Variants in CEP112 observed in about 807,000 individuals in gnomAD.
CEP112 encodes the protein centrosomal protein 112, also known as centrosomal protein of 112 kDa.
In CEP112, 127 loss-of-function variants were observed where a neutral mutation model predicts 153.0. The ratio of observed to expected loss-of-function variants is 0.83; its 90% confidence interval spans 0.72 to 0.96. The LOEUF is 0.96. Ranked by LOEUF, CEP112 falls within the 40% of genes least tolerant of loss-of-function variation. The probability of loss-of-function intolerance (pLI) is 0.00; values close to 1 mark genes in which losing one functional copy is unlikely to be tolerated. For synonymous variants in CEP112, 358 were observed against 374.4 expected, an observed-to-expected ratio of 0.96 and a Z score of 0.51; for missense variants, 1,089 against 1,101.2, an observed-to-expected ratio of 0.99 and a Z score of 0.16.
intron 17 of CEP112, among the ~76,000 whole-genome samples, chr17:65,977,418 T>C (rs1056846792): frequency 2.6e-5 from 4 of 152,192 alleles, no homozygotes; most frequent in Non-Finnish European, 5.9e-5. Flanking sequence ...TGGTTAAGAA[T>C]AGAGGCTTTA....
chr17:65,728,563 G>A (rs2050312702), intron 23 of CEP112, among the ~76,000 whole-genome samples: 1 of 152,040 alleles, frequency 6.6e-6, no homozygotes, highest in African/African-American at 2.4e-5. Context: ...TTGTACCAGT[G>A]GTACTTGAGT....
At chr17:66,135,923 C>T (rs2070413526) in intron 4 of CEP112, among the ~76,000 whole-genome samples, 1 of 152,014 alleles carries the variant, frequency 6.6e-6, no homozygotes, top group South Asian at 2.1e-4. Context: ...AAGAAAATTA[C>T]TTTAGGGGGT....
intron 21 of CEP112, among the ~76,000 whole-genome samples, chr17:65,781,861 T>C (rs1279909797): frequency 6.6e-6 from 1 of 152,158 alleles, no homozygotes; most frequent in African/African-American, 2.4e-5. Context: ...TAACTCAAGA[T>C]AGATTAAAGA....
At chr17:65,875,314 ATGTT>A (rs1344467948) in intron 20 of CEP112, among the ~76,000 whole-genome samples, 1 of 152,106 alleles carries the variant, frequency 6.6e-6, no homozygotes. Context: ...TTTCCACTGA[ATGTT>A]TGTTTTAATT....
chr17:65,933,697 G>C (rs1391274039), intron 18 of CEP112, among the ~76,000 whole-genome samples: 3 of 152,130 alleles, frequency 2.0e-5, no homozygotes, highest in African/African-American at 7.2e-5. Context: ...TTATGAAAAG[G>C]AGTTATTTAA....
chr17:66,012,245 T>C (rs2064561770), intron 16 of CEP112, among the ~76,000 whole-genome samples: 1 of 152,206 alleles, frequency 6.6e-6, no homozygotes, highest in South Asian at 2.1e-4. Context: ...TTAGTATTGA[T>C]ATGTGCTTAT....
intron 18 of CEP112, among the ~76,000 whole-genome samples, chr17:65,958,832 G>A (rs1305169579): frequency 6.6e-6 from 1 of 152,124 alleles, no homozygotes; most frequent in East Asian, 1.9e-4. Flanking sequence ...CCCACAGACT[G>A]GAGTGGGAAC....
chr17:66,095,711 A>G (rs1159452373), intron 8 of CEP112, among the ~76,000 whole-genome samples: 2 of 152,234 alleles, frequency 1.3e-5, no homozygotes, highest in African/African-American at 4.8e-5. Flanking sequence ...TGATTCATAT[A>G]TCAAGCTCAA....
At chr17:66,162,539 A>T (rs1322624496) in intron 4 of CEP112, among the ~76,000 whole-genome samples, 2 of 152,208 alleles carry the variant, frequency 1.3e-5, no homozygotes, top group East Asian at 3.8e-4. Context: ...CAAAAGTCCA[A>T]CCATGGTACA....
intron 16 of CEP112, among the ~76,000 whole-genome samples, chr17:66,006,404 G>A (rs1227780048): frequency 6.6e-6 from 1 of 152,084 alleles, no homozygotes; most frequent in Non-Finnish European, 1.5e-5. Flanking sequence ...TCAAGAGTTT[G>A]AGACCAGCCT....
At chr17:66,046,056 T>C (rs1157983115) in intron 12 of CEP112, among the ~76,000 whole-genome samples, 1 of 152,076 alleles carries the variant, frequency 6.6e-6, no homozygotes, top group African/African-American at 2.4e-5. Flanking sequence ...TTTTCTTTTT[T>C]TTTTGAGAGA....
At chr17:65,867,044 T>A (rs777443751) in intron 20 of CEP112, among the ~76,000 whole-genome samples, 2 of 152,104 alleles carry the variant, frequency 1.3e-5, no homozygotes, top group African/African-American at 4.8e-5. Flanking sequence ...GAGCCCAGAC[T>A]CAGGAGCTCC....
intron 21 of CEP112, among the ~76,000 whole-genome samples, chr17:65,762,509 T>C (rs1393523866): frequency 1.3e-5 from 2 of 152,054 alleles, no homozygotes; most frequent in Non-Finnish European, 2.9e-5. Context: ...TCAGTTTTCC[T>C]ATTTTTGTCT....
chr17:65,996,129 C>CGTGTGTGTGTGTGTGT (rs3055983), intron 17 of CEP112, among the ~76,000 whole-genome samples: 3 of 145,686 alleles, frequency 2.1e-5, no homozygotes, highest in African/African-American at 7.7e-5. Flanking sequence ...GAAAAATATA[C>CGTGTGTGTGTGTGTGT]GTGTGTGTGT....
rs1031411215 is a variant in CEP112, at chr17:65,692,331, C to T, written c.2608-3113G>A. On this transcript the variant is annotated intron_variant, in intron 23 of 26. Transcript: ENST00000535342. ...GCGACCTCCACCTCCCGGGTTCAAG[C>T]GATTCTCCTGCCTCAGCCTCCAAGT... 4.0e-5 allele frequency among the ~76,000 whole-genome samples: 6 copies of T among 150,650 alleles called. No individual in the cohort carries two copies. In the East Asian group the frequency reaches 5.9e-4, roughly 15 times the overall value.
At chr17:65,805,917 T>G (rs2055571837) in intron 21 of CEP112, among the ~76,000 whole-genome samples, 1 of 152,232 alleles carries the variant, frequency 6.6e-6, no homozygotes. Context: ...GTTTACCAGT[T>G]CTGTATTATT....
At chr17:66,072,282 T>C (rs1297891051) in intron 8 of CEP112, among the ~76,000 whole-genome samples, 1 of 152,134 alleles carries the variant, frequency 6.6e-6, no homozygotes, top group Non-Finnish European at 1.5e-5. Context: ...ATTGAGGAAA[T>C]GTAATATTAA....
intron 19 of CEP112, among the ~76,000 whole-genome samples, chr17:65,920,946 C>A (rs2060704037): frequency 6.6e-6 from 1 of 152,004 alleles, no homozygotes. Context: ...CAGCTTAAAG[C>A]TGCAGAAAAC....
At chr17:65,652,544 C>G (rs1428560780) in intron 24 of CEP112, among the ~76,000 whole-genome samples, 2 of 151,808 alleles carry the variant, frequency 1.3e-5, no homozygotes, top group Admixed American at 6.6e-5. Context: ...TTAGCCAATT[C>G]TCTATCATTA....
Sources: allele counts gnomAD v4.1 joint callset (sites outside exome capture counted in the v4.1 genomes callset), GRCh38; gene constraint gnomAD v4.1.1; transcripts MANE v1.5; gene names NCBI Gene and HGNC (gene_info 2026-07-23, HGNC 2026-07-21).